The following EFHC2 variants were observed in gnomAD, a reference collection of about 807,000 sequenced individuals.
EFHC2 encodes EF-hand domain-containing family member C2.
In EFHC2, 18 loss-of-function variants were observed where a neutral mutation model predicts 52.7. The ratio of observed to expected loss-of-function variants is 0.34; its 90% CI spans 0.24 to 0.51. The LOEUF is 0.51. EFHC2 is among the 20% of genes least tolerant of loss of function. EFHC2 has a pLI of 0.97. For missense variants in EFHC2, 513 were observed against 562.5 expected, an observed-to-expected ratio of 0.91 and a Z score of 0.89; for synonymous variants, 203 against 204.1, an observed-to-expected ratio of 0.99 and a Z score of 0.04.
intron 11 of EFHC2, among the ~76,000 whole-genome samples, chrX:44,203,781 C>T (rs1402723349): frequency 9.0e-6 from 1 of 110,960 alleles, no homozygotes; most frequent in Non-Finnish European, 1.9e-5. Flanking sequence ...CGTAGAGATT[C>T]AGTCTCACTA....
At chrX:44,191,338 C>T (rs187415573) in intron 11 of EFHC2, among the ~76,000 whole-genome samples, 56 of 110,730 alleles carry the variant, frequency 5.1e-4, no homozygotes, top group African/African-American at 1.7e-3. Flanking sequence ...CGGGTTTAAG[C>T]GATTCTCCTG....
At chrX:44,186,727 T>C (rs2036878068) in intron 11 of EFHC2, among the ~76,000 whole-genome samples, 1 of 111,670 alleles carries the variant, frequency 9.0e-6, no homozygotes, top group African/African-American at 3.3e-5. Flanking sequence ...GCCATATTGG[T>C]GCTTGTAATC....
intron 11 of EFHC2, among the ~76,000 whole-genome samples, chrX:44,226,755 C>A (rs898195618): frequency 1.8e-5 from 2 of 108,743 alleles, no homozygotes; most frequent in Non-Finnish European, 3.8e-5. Flanking sequence ...GGGGTCGGGA[C>A]CTAGGGGAGG....
chrX:44,250,961 G>A (rs929605432), intron 4 of EFHC2, among the ~76,000 whole-genome samples: 3 of 108,312 alleles, frequency 2.8e-5, no homozygotes, highest in East Asian at 2.9e-4. Context: ...AGAACTGGCC[G>A]GGCGCGGTGG....
In EFHC2 at chrX:44,163,914, C is replaced by A; in HGVS notation, c.2148+8G>T. 8.9e-7 allele frequency: 1 copy of A among 1,118,334 alleles called. No homozygotes were observed. The highest frequency in any genetic ancestry group is 1.2e-6 in the Non-Finnish European group (1 of 828,932). The allele number at this position is 1,118,334 out of a possible 1,213,427, so 92.2% of individuals were successfully genotyped here. On this transcript the variant is annotated splice_region_variant and intron_variant, in intron 14 of 14. Coordinates refer to ENST00000420999, the MANE Select transcript of EFHC2 (RefSeq NM_025184.4). Reference sequence around the variant, plus strand: ...ATAGATGGTTTTTAAAATAGGTATTCATTTTACCTCTTTAAGGTATGATGC... The same window carrying A: ...ATAGATGGTTTTTAAAATAGGTATTAATTTTACCTCTTTAAGGTATGATGC...
intron 2 of EFHC2, among the ~76,000 whole-genome samples, chrX:44,301,494 T>C (rs2037868926): frequency 8.9e-6 from 1 of 112,290 alleles, no homozygotes; most frequent in Non-Finnish European, 1.9e-5. Flanking sequence ...GCAGCAGGCA[T>C]GGTGAACCAG....
At chrX:44,174,115 C>T (rs1444258413) in intron 13 of EFHC2, among the ~76,000 whole-genome samples, 2 of 112,137 alleles carry the variant, frequency 1.8e-5, no homozygotes, top group African/African-American at 6.5e-5. Context: ...AAATTTCTCT[C>T]CTAGTCCTCA....
At chrX:44,321,193 C>G (rs1261899219) in intron 1 of EFHC2, among the ~76,000 whole-genome samples, 2 of 111,331 alleles carry the variant, frequency 1.8e-5, no homozygotes, top group Non-Finnish European at 3.8e-5. Context: ...TTAACAACCC[C>G]AAGTATTTTG....
chrX:44,187,703 T>C (rs2036887650), intron 11 of EFHC2, among the ~76,000 whole-genome samples: 1 of 111,055 alleles, frequency 9.0e-6, no homozygotes, highest in Admixed American at 9.6e-5. Flanking sequence ...GGCAGGAGAA[T>C]CGCTTGAGTC....
intron 2 of EFHC2, among the ~76,000 whole-genome samples, chrX:44,280,030 TACACAC>T (rs766337222): frequency 1.5e-3 from 101 of 66,815 alleles, no homozygotes; most frequent in Non-Finnish European, 2.1e-3. Flanking sequence ...CCATCCCCCA[TACACAC>T]ACACACACAC....
At chrX:44,310,243 G>C (rs1038794744) in intron 2 of EFHC2, 1 of 967,544 alleles carries the variant, frequency 1.0e-6, no homozygotes, top group Non-Finnish European at 1.5e-6. Flanking sequence ...ATGACAAAGC[G>C]GCAAGGGTTT....
At chrX:44,209,846 T>C (rs1321994554) in intron 11 of EFHC2, among the ~76,000 whole-genome samples, 1 of 109,336 alleles carries the variant, frequency 9.1e-6, no homozygotes, top group Non-Finnish European at 1.9e-5. Context: ...TAGATTATCA[T>C]AGGAGTGCAA....
intron 14 of EFHC2, among the ~76,000 whole-genome samples, chrX:44,162,114 T>C (rs2036659709): frequency 8.9e-6 from 1 of 111,878 alleles, no homozygotes; most frequent in African/African-American, 3.3e-5. Flanking sequence ...CTGTTATGTA[T>C]GGGGACAACA....
In EFHC2 at chrX:44,240,455, T is replaced by A. The variant is rs890528463; in HGVS notation, c.1280+1666A>T. 4.5e-5 allele frequency among the ~76,000 whole-genome samples: 5 copies of A among 112,150 alleles called. 1 individual carries two copies. The highest frequency in any genetic ancestry group is 9.7e-5 in the African/African-American group (3 of 30,857). ...AGTCAACTACTCACAAAGAACGGTT[T>A]TCCCCTGGGTTCCAGAAACAACACC... On this transcript the variant is annotated intron_variant, in intron 8 of 14. Transcript: ENST00000420999.
intron 11 of EFHC2, among the ~76,000 whole-genome samples, chrX:44,185,347 T>C (rs1404071788): frequency 8.9e-6 from 1 of 111,771 alleles, no homozygotes; most frequent in Non-Finnish European, 1.9e-5. Flanking sequence ...TCTGAAATGC[T>C]CCATAAATAC....
chrX:44,212,775 G>A (rs1406846320), intron 11 of EFHC2, among the ~76,000 whole-genome samples: 5 of 110,382 alleles, frequency 4.5e-5, no homozygotes, highest in Non-Finnish European at 9.5e-5. Context: ...GCAGTGGCGC[G>A]ACCTAGGCTC....
chrX:44,226,162 G>A (rs917905987), intron 11 of EFHC2, among the ~76,000 whole-genome samples: 9 of 111,876 alleles, frequency 8.0e-5, no homozygotes, highest in African/African-American at 2.9e-4. Context: ...ACACACTGAT[G>A]CAGGGTTAAG....
At position 44,224,691 on chromosome X, in the gene EFHC2, C is replaced by G. The variant is rs147123244; in HGVS notation, c.1751+4958G>C. Among the ~76,000 whole-genome samples, 674 of 112,632 alleles carry G rather than the reference C, an allele frequency of 6.0e-3. 8 individuals carry two copies. The highest frequency in any genetic ancestry group is 0.021 in the African/African-American group (645 of 31,027). On this transcript the variant is annotated intron_variant, in intron 11 of 14. Transcript: ENST00000420999. ...ACTATGTTCATTGAGGTCTGATACA[C>G]TGGGTTCTGGAGGCATCTGGGAAAG...
chrX:44,295,414 G>C (rs2037820069), intron 2 of EFHC2, among the ~76,000 whole-genome samples: 1 of 111,605 alleles, frequency 9.0e-6, no homozygotes, highest in South Asian at 3.8e-4. Flanking sequence ...TCGGTATGTG[G>C]GGTACTGCAA....
Sources: allele counts gnomAD v4.1 joint callset (sites outside exome capture counted in the v4.1 genomes callset), GRCh38; gene constraint gnomAD v4.1.1; transcripts MANE v1.5; gene names NCBI Gene and HGNC (gene_info 2026-07-23, HGNC 2026-07-21).